The following CGAS variants were observed in gnomAD, a reference collection of about 807,000 sequenced individuals.
CGAS encodes cyclic GMP-AMP synthase.
A neutral mutation model predicts 34.0 loss-of-function variants in CGAS; 31 were observed. The observed-to-expected ratio is 0.91, with a 90% CI of 0.69 to 1.23. CGAS has a LOEUF of 1.23. CGAS is among the 50% of genes most tolerant of loss of function. The pLI is 0.00. For synonymous variants in CGAS, 266 were observed against 260.0 expected (o/e 1.02, Z -0.22); for missense variants, 597 against 657.6 (o/e 0.91, Z 1.01).
At position 73,440,321 on chromosome 6, in the gene CGAS, G is replaced by T; in HGVS notation, c.1002C>A (p.Thr334=). The change falls in exon 3 of 5, where the codon ACC becomes ACA. Residue 334 remains threonine, a synonymous_variant. Transcript: ENST00000370315. The stretch of plus-strand genomic sequence containing the variant: ...AGTTTTGAATGCGCAGGCCTTCTTG[G>T]GTGCTAGCAGGCCAGCTACTTTTTG... ...LESKSSWPAS[T]QEGLRIQNWL... is the part of the protein sequence containing the mutation. 2 of 1,614,114 alleles carry T rather than the reference G, an allele frequency of 1.2e-6. No individual in the cohort carries two copies. Among genetic ancestry groups the T allele is most frequent in the South Asian group, 2.2e-5 (2 of 91,080 alleles).
chr6:73,436,261 C>T (rs1770277430), intron 3 of CGAS, among the ~76,000 whole-genome samples: 1 of 151,748 alleles, frequency 6.6e-6, no homozygotes, highest in Non-Finnish European at 1.5e-5. Flanking sequence ...TACATTGGTA[C>T]AATAAACCAA....
At chr6:73,441,873 C>G (rs888161559) in intron 2 of CGAS, among the ~76,000 whole-genome samples, 1 of 151,984 alleles carries the variant, frequency 6.6e-6, no homozygotes, top group Admixed American at 6.6e-5. Context: ...TGTCCATCTA[C>G]CTTACTTTTT....
intron 2 of CGAS, among the ~76,000 whole-genome samples, chr6:73,442,265 C>T (rs1009081759): frequency 1.2e-4 from 19 of 152,128 alleles, no homozygotes; most frequent in Admixed American, 1.2e-3. Flanking sequence ...AGTATTTCCT[C>T]TCCTACATCA....
intron 4 of CGAS, among the ~76,000 whole-genome samples, chr6:73,428,223 C>T (rs1378213441): frequency 6.9e-6 from 1 of 144,400 alleles, no homozygotes; most frequent in Admixed American, 7.0e-5. Context: ...AAGTCTGTCT[C>T]AAAAAAAAAA....
intron 3 of CGAS, among the ~76,000 whole-genome samples, chr6:73,436,731 C>T (rs1770286802): frequency 6.6e-6 from 1 of 151,564 alleles, no homozygotes; most frequent in South Asian, 2.1e-4. Flanking sequence ...CCATGTTGCC[C>T]ACGCTGGTCT....
In CGAS at chr6:73,445,669, G is replaced by A. The variant is rs369172604; in HGVS notation, c.736C>T (p.Arg246Cys). The A allele has an allele frequency of 1.9e-5, 30 of 1,612,576 alleles. No homozygotes were observed. In the African/African-American group the frequency reaches 2.7e-4, roughly 14 times the overall value. Residue 246 changes from arginine (R) to cysteine (C), a missense_variant, in exon 2 of 5, where the codon CGT becomes TGT. This residue lies in a region of CGAS where 271 missense variants were observed against 324.1 expected (regional missense o/e 0.84). Coordinates refer to ENST00000370315, the MANE Select transcript of CGAS (RefSeq NM_138441.3). The part of the protein sequence containing the change: ...RIQLEEYSNT[R>C]AYYFVKFKRN... ...TTAAATTTCACAAAGTAATATGCAC[G>A]AGTGTTGGAATATTCTTCTAGTTGA...
rs113665815 is a variant in CGAS, at chr6:73,444,029, G to A, written c.877+1499C>T. On this transcript the variant is annotated intron_variant, in intron 2 of 4. Transcript: ENST00000370315. The stretch of plus-strand genomic sequence containing the variant: ...TTTTGAGACGGAGTCTTGCTCTGTC[G>A]CCCAGGCTGGAGTGCAGTGGCACGA... Among the ~76,000 whole-genome samples the A allele has an allele frequency of 2.8e-3, 425 of 152,216 alleles. 2 individuals carry two copies. Among genetic ancestry groups the A allele is most frequent in the South Asian group, 0.012 (56 of 4,822 alleles).
chr6:73,445,730 T>C lies in CGAS; in HGVS notation c.675A>G (p.Glu225=), dbSNP rs767563678. ...CTTCCAGTTTAAACATGACATCAAA[T>C]TCATTAGGTGCAGAAATCTAAGAAA... is the stretch of plus-strand genomic sequence containing the variant. ...YEHVKISAPN[E]FDVMFKLEVP... The change falls in exon 2 of 5, where the codon GAA becomes GAG. Residue 225 remains glutamate (E), a synonymous_variant. Coordinates refer to ENST00000370315, the MANE Select transcript of CGAS (RefSeq NM_138441.3). 1.5e-5 allele frequency: 24 copies of C among 1,608,240 alleles called. No homozygotes were observed. Among genetic ancestry groups the C allele is most frequent in the Non-Finnish European group, 2.0e-5 (24 of 1,177,714 alleles).
At chr6:73,428,274 C>G (rs1415487804) in intron 4 of CGAS, among the ~76,000 whole-genome samples, 1 of 151,872 alleles carries the variant, frequency 6.6e-6, no homozygotes, top group Non-Finnish European at 1.5e-5. Flanking sequence ...CCAATCAATC[C>G]CTAGCCGTCA....
intron 3 of CGAS, among the ~76,000 whole-genome samples, chr6:73,432,164 T>C (rs1770205726): frequency 6.6e-6 from 1 of 151,826 alleles, no homozygotes; most frequent in African/African-American, 2.4e-5. Context: ...TTTATTTTTA[T>C]TTATTTTTAT....
chr6:73,451,389 C>G (rs976384684), intron 1 of CGAS, 136 bp downstream of exon 1: 1 of 1,021,344 alleles, frequency 9.8e-7, no homozygotes. Context: ...TTTACTTAGA[C>G]TAGGCTACCG....
chr6:73,451,467 C>A, intron 1 of CGAS, 58 bp downstream of exon 1: 1 of 1,496,766 alleles, frequency 6.7e-7, no homozygotes, highest in African/African-American at 1.4e-5. Context: ...AAGGTAGGGA[C>A]TGCGGATTGC....
chr6:73,447,129 G>A lies in CGAS; in HGVS notation c.658-1382C>T, dbSNP rs746553051. Among the ~76,000 whole-genome samples the A allele has an allele frequency of 1.1e-4, 17 of 152,286 alleles. 1 individual carries two copies. The highest frequency in any genetic ancestry group is 1.9e-4 in the Non-Finnish European group (13 of 68,026). On this transcript the variant is annotated intron_variant, in intron 1 of 4. Coordinates refer to ENST00000370315, the MANE Select transcript of CGAS (RefSeq NM_138441.3). ...AAAACTGATCATATTTCAACTGATT[G>A]CATTAAATCTAGAACAATTTGAGGA...
At position 73,424,034 on chromosome 6, in the gene CGAS, T is replaced by TA. The variant is rs765074303; in HGVS notation, c.*1192dup. 4.6e-5 allele frequency: 7 copies of TA among 151,934 alleles called. No individual in the cohort carries two copies. Among genetic ancestry groups the TA allele is most frequent in the African/African-American group, 1.7e-4 (7 of 41,370 alleles). The allele number at this position is 151,934 out of a possible 1,614,324, so 9.4% of individuals were successfully genotyped here. A position where few individuals can be genotyped will look rare whatever the true frequency, so the allele number is the denominator to read the frequency against. ...CCTCTAGGCTGAATGCTACCTAAAA[T>TA]AAAAAAAGTGTTACTGAAAGTAAAA... On this transcript the variant is annotated 3_prime_UTR_variant, in exon 5 of 5. Coordinates refer to ENST00000370315, the MANE Select transcript of CGAS (RefSeq NM_138441.3).
chr6:73,445,312 GAACA>G (rs1249671437), intron 2 of CGAS, among the ~76,000 whole-genome samples: 3 of 151,392 alleles, frequency 2.0e-5, no homozygotes, highest in Non-Finnish European at 4.4e-5. Context: ...ATTCATTAGA[GAACA>G]AATAGATAAA....
intron 3 of CGAS, among the ~76,000 whole-genome samples, chr6:73,437,493 C>T (rs1770298902): frequency 6.6e-6 from 1 of 151,956 alleles, no homozygotes. Context: ...GGATGGAGTG[C>T]AGTGGCATGA....
At position 73,451,869 on chromosome 6, in the gene CGAS, GC is replaced by G. The variant is rs779694904; in HGVS notation, c.312del (p.Leu105TrpfsTer68). 3.0e-5 allele frequency: 46 copies of G among 1,546,180 alleles called. No homozygotes were observed. The highest frequency in any genetic ancestry group is 4.1e-5 in the African/African-American group (3 of 72,884). On this transcript the variant is annotated frameshift_variant, in exon 1 of 5. Transcript: ENST00000370315. LOFTEE classifies it high-confidence loss of function. ...SDATSAPGAE[G>X]LEPPAAREPA... ...GGCTCCCGAGCCGCAGGAGGCTCCA[GC>G]CCCTCTGCCCCAGGGGCGCTGGTGG... is the stretch of plus-strand genomic sequence containing the variant.
At chr6:73,444,310 A>AATTTT (rs1562294139) in intron 2 of CGAS, among the ~76,000 whole-genome samples, 2 of 149,410 alleles carry the variant, frequency 1.3e-5, no homozygotes, top group African/African-American at 5.0e-5. Context: ...AATTTAATTT[A>AATTTT]ATTTTATTTT....
At position 73,424,078 on chromosome 6, in the gene CGAS, ATAAGT is replaced by A. The variant is rs1034639902; in HGVS notation, c.*1144_*1148del. On this transcript the variant is annotated 3_prime_UTR_variant, in exon 5 of 5. Coordinates refer to ENST00000370315, the MANE Select transcript of CGAS (RefSeq NM_138441.3). ...AGTAAAAATAAATAGATAACAGAAA[ATAAGT>A]TAGGTTTTACATTTAGTCACGTATA... 2 of 152,176 alleles carry A rather than the reference ATAAGT, an allele frequency of 1.3e-5. No homozygotes were observed. The highest frequency in any genetic ancestry group is 4.8e-5 in the African/African-American group (2 of 41,450). The allele number at this position is 152,176 out of a possible 1,614,324, so 9.4% of individuals were successfully genotyped here.
Sources: allele counts gnomAD v4.1 joint callset (sites outside exome capture counted in the v4.1 genomes callset), GRCh38; gene constraint gnomAD v4.1.1; regional missense constraint gnomAD v4.1.1; transcripts MANE v1.5; gene names NCBI Gene and HGNC (gene_info 2026-07-23, HGNC 2026-07-21).